MCCC1: variants seen among roughly 807,000 people sequenced by gnomAD.
MCCC1 encodes the protein methylcrotonyl-CoA carboxylase subunit 1.
In MCCC1, 64 loss-of-function variants were observed where a neutral mutation model predicts 83.8. The ratio of observed to expected loss-of-function variants is 0.76; its 90% CI spans 0.62 to 0.94. The LOEUF is 0.94. Ranked by LOEUF, MCCC1 falls within the 40% of genes least tolerant of loss-of-function variation. The pLI is 0.00. For missense variants in MCCC1, 807 were observed against 904.7 expected (o/e 0.89, Z 1.39); for synonymous variants, 322 against 315.4 (o/e 1.02, Z -0.22).
chr3:183,032,723 A>C lies in MCCC1; in HGVS notation c.1681+1268T>G, dbSNP rs149114024. 4.5e-3 allele frequency among the ~76,000 whole-genome samples: 678 copies of C among 151,974 alleles called. 3 individuals carry two copies. Among genetic ancestry groups the C allele is most frequent in the African/African-American group, 0.016 (648 of 41,402 alleles). ...CCCTGTCTCTACTAAAAATACAAAA[A>C]CTTAGCCGGGCGTGGTGGTGGGTGC... On this transcript the variant is annotated intron_variant, in intron 14 of 18. Transcript: ENST00000265594.
At chr3:183,062,430 C>G (rs1330351846) in intron 7 of MCCC1, among the ~76,000 whole-genome samples, 2 of 149,248 alleles carry the variant, frequency 1.3e-5, no homozygotes, top group African/African-American at 5.0e-5. Flanking sequence ...TCTCAGCTCA[C>G]TGCAACCTCC....
intron 4 of MCCC1, among the ~76,000 whole-genome samples, chr3:183,075,174 A>T (rs532194824): frequency 3.3e-5 from 5 of 152,332 alleles, no homozygotes; most frequent in African/African-American, 1.2e-4. Flanking sequence ...TGCAATGAAC[A>T]TACATGCACA....
rs1183107033 is a variant in MCCC1, at chr3:183,092,522, T to C, written c.160A>G (p.Ile54Val). The C allele has an allele frequency of 6.2e-6, 10 of 1,614,204 alleles. No homozygotes were observed. The South Asian group carries it at 1.1e-4, about 18-fold the overall frequency. Residue 54 changes from isoleucine (I) to valine (V), a missense_variant, in exon 3 of 19, where the codon ATT becomes GTT. By Grantham distance (29) the Ile-to-Val change is conservative. Transcript: ENST00000265594. ...ATGRNITKVL[I>V]ANRGEIACRV... Reference sequence around the variant, plus strand: ...CAGGCAATTTCTCCTCTGTTTGCAATGAGGACCTTGGTAATGTTTCTTCCT... The same window carrying C: ...CAGGCAATTTCTCCTCTGTTTGCAACGAGGACCTTGGTAATGTTTCTTCCT...
rs370064093 is a variant in MCCC1, at chr3:183,038,984, C to T, written c.1377+42G>A. On this transcript the variant is annotated intron_variant, in intron 12 of 18. Transcript: ENST00000265594. Reference sequence around the variant, plus strand: ...GACAAAGGCTGACCTCTGGTGCTGACCAAACACATCAAGGTCACTGGCACG... The same window carrying T: ...GACAAAGGCTGACCTCTGGTGCTGATCAAACACATCAAGGTCACTGGCACG... 3.3e-5 allele frequency: 51 copies of T among 1,568,994 alleles called. 1 individual carries two copies. Among genetic ancestry groups the T allele is most frequent in the Non-Finnish European group, 4.3e-5 (49 of 1,138,912 alleles).
intron 7 of MCCC1, among the ~76,000 whole-genome samples, chr3:183,058,939 T>C (rs1715629810): frequency 6.6e-6 from 1 of 152,220 alleles, no homozygotes; most frequent in South Asian, 2.1e-4. Flanking sequence ...GTCTTATAAA[T>C]GTATTGCTTC....
chr3:183,084,605 C>A (rs1717754555), intron 4 of MCCC1, among the ~76,000 whole-genome samples: 2 of 152,184 alleles, frequency 1.3e-5, no homozygotes, highest in South Asian at 4.1e-4. Context: ...CAATACAAAA[C>A]AACTATACAT....
chr3:183,115,180 G>A (rs1291729437), intron 1 of MCCC1, among the ~76,000 whole-genome samples: 4 of 152,140 alleles, frequency 2.6e-5, no homozygotes, highest in Non-Finnish European at 5.9e-5. Context: ...CCTCTAGCAT[G>A]TCTTCTGACC....
intron 15 of MCCC1, 172 bp from the exon 16 acceptor site, chr3:183,022,726 G>C: frequency 1.7e-6 from 1 of 589,618 alleles, no homozygotes. Context: ...TCCTAACCAA[G>C]ATACTTTACA....
intron 1 of MCCC1, chr3:183,098,369 A>T (rs1718897021): frequency 6.6e-6 from 1 of 152,278 alleles, no homozygotes; most frequent in Non-Finnish European, 1.5e-5. Flanking sequence ...GACTGATCTT[A>T]TGTACCAGAT....
At chr3:183,070,357 C>G (rs942717518) in intron 7 of MCCC1, among the ~76,000 whole-genome samples, 1 of 151,988 alleles carries the variant, frequency 6.6e-6, no homozygotes, top group Non-Finnish European at 1.5e-5. Flanking sequence ...ATCATAGAAC[C>G]GCTAGGTCAC....
At chr3:183,047,869 C>T (rs779142156) in intron 9 of MCCC1, among the ~76,000 whole-genome samples, 2 of 151,934 alleles carry the variant, frequency 1.3e-5, no homozygotes, top group East Asian at 1.9e-4. Context: ...CTACGCAGAA[C>T]GAGAATACCA....
chr3:183,085,313 A>G (rs1434358536), intron 4 of MCCC1, among the ~76,000 whole-genome samples: 1 of 152,102 alleles, frequency 6.6e-6, no homozygotes, highest in African/African-American at 2.4e-5. Context: ...TTTACTCCCC[A>G]GCTTTAAAAA....
intron 1 of MCCC1, among the ~76,000 whole-genome samples, chr3:183,110,879 C>A (rs113667783): frequency 6.6e-6 from 1 of 152,096 alleles, no homozygotes; most frequent in Non-Finnish European, 1.5e-5. Context: ...ATCACAGCAC[C>A]ATTTATTGAA....
At chr3:183,072,581 T>G (rs909601809) in intron 4 of MCCC1, 94 bp from the exon 5 acceptor site, 17 of 1,351,730 alleles carry the variant, frequency 1.3e-5, no homozygotes, top group Non-Finnish European at 1.8e-5. Context: ...GGGAGGCCTC[T>G]CCCTACACTG....
chr3:183,107,424 A>T (rs544758267), intron 1 of MCCC1, among the ~76,000 whole-genome samples: 1 of 142,688 alleles, frequency 7.0e-6, no homozygotes, highest in South Asian at 2.1e-4. Context: ...AAAAAAAAGA[A>T]AAAGAAAAAG....
chr3:183,114,126 A>G lies in MCCC1; in HGVS notation c.-102+1348T>C, dbSNP rs140066607. Among the ~76,000 whole-genome samples the G allele has an allele frequency of 2.7e-4, 41 of 152,316 alleles. No homozygotes were observed. The East Asian group carries it at 5.6e-3, about 21-fold the overall frequency. ...AACGGATAAGATACTGTGGCGAGCTATATCCGCAGTGCCCAAGAATTCGTC... is the reference window on the plus strand; with the variant it reads ...AACGGATAAGATACTGTGGCGAGCTGTATCCGCAGTGCCCAAGAATTCGTC... On this transcript the variant is annotated intron_variant, in intron 1 of 17. Coordinates refer to the MCCC1 transcript ENST00000492597.
chr3:183,090,474 A>G (rs1382643937), intron 3 of MCCC1, among the ~76,000 whole-genome samples: 2 of 152,226 alleles, frequency 1.3e-5, no homozygotes, highest in African/African-American at 4.8e-5. Context: ...GTTTTGCCAC[A>G]TGCACACAAT....
Position 183,057,226 on chromosome 3 carries a change from A to T in MCCC1, c.873+85T>A, listed in dbSNP as rs1214922251. The stretch of plus-strand genomic sequence containing the variant: ...AGCAGGAGTTTGAGGGGTGAGAGAC[A>T]CCAGATTCACAGATTTCTGATGTGA... On this transcript the variant is annotated intron_variant, in intron 8 of 18. Coordinates refer to ENST00000265594, the MANE Select transcript of MCCC1 (RefSeq NM_020166.5). The T allele has an allele frequency of 3.5e-6, 4 of 1,130,478 alleles. No homozygotes were observed. In the East Asian group the frequency reaches 1.0e-4, roughly 29 times the overall value. The allele number at this position is 1,130,478 out of a possible 1,614,324, so 70.0% of individuals were successfully genotyped here.
intron 10 of MCCC1, 110 bp downstream of exon 10, chr3:183,045,303 C>T (rs1161449043): frequency 9.9e-6 from 13 of 1,313,520 alleles, no homozygotes; most frequent in Non-Finnish European, 1.2e-5. Flanking sequence ...TGGTCTCGAA[C>T]TCCTGACCTC....
Sources: gnomAD v4.1 joint callset for allele counts (sites outside exome capture counted in the v4.1 genomes callset) on GRCh38, gnomAD v4.1.1 for gene constraint, MANE v1.5 for transcripts, NCBI Gene and HGNC (gene_info 2026-07-23, HGNC 2026-07-21) for gene names.